PADI4: variants seen among roughly 807,000 people sequenced by gnomAD.
PADI4 encodes peptidyl arginine deiminase 4.
A neutral mutation model predicts 75.0 loss-of-function variants in PADI4; 62 were observed. The observed-to-expected ratio is 0.83, with a 90% CI of 0.67 to 1.02. The LOEUF is 1.02. Ranked by LOEUF, PADI4 falls within the 50% of genes least tolerant of loss-of-function variation. The pLI is 0.00. For synonymous variants in PADI4, 361 were observed against 348.1 expected, an observed-to-expected ratio of 1.04 and a Z score of -0.41; for missense variants, 845 against 850.5, an observed-to-expected ratio of 0.99 and a Z score of 0.08.
chr1:17,359,540 T>C (rs1397101101), intron 15 of PADI4, 132 bp downstream of exon 15: 3 of 1,244,048 alleles, frequency 2.4e-6, no homozygotes, highest in African/African-American at 3.0e-5. Flanking sequence ...TTGTCCTGAG[T>C]GGTACAAGGT....
In PADI4 at chr1:17,342,296, C is replaced by T; in HGVS notation, c.832-3C>T. The T allele has an allele frequency of 6.2e-7, 1 of 1,604,084 alleles. No homozygotes were observed. Among genetic ancestry groups the T allele is most frequent in the Admixed American group, 1.7e-5 (1 of 59,966 alleles). On this transcript the variant is annotated splice_region_variant and splice_polypyrimidine_tract_variant and intron_variant, in intron 7 of 15. Transcript: ENST00000375448. ...CTCCTTCCCCTTACCCCCTCCCCTG[C>T]AGGAGCTCCCCGAGGCTGTGGTGTT...
intron 4 of PADI4, among the ~76,000 whole-genome samples, chr1:17,337,565 T>A (rs1247958348): frequency 6.6e-6 from 1 of 152,154 alleles, no homozygotes; most frequent in African/African-American, 2.4e-5. Context: ...AAAAATCCAC[T>A]CCTGAGATCA....
At chr1:17,334,911 G>A (rs548579165) in intron 3 of PADI4, 86 of 240,454 alleles carry the variant, frequency 3.6e-4, no homozygotes, top group Admixed American at 1.1e-3. Flanking sequence ...GAAGGCGGAG[G>A]CAGGAGGATC....
chr1:17,355,993 C>G lies in PADI4; in HGVS notation c.1321C>G (p.Arg441Gly). The change falls in exon 12 of 16, where the codon CGG becomes GGG. Residue 441 changes from arginine to glycine, a missense_variant. Arg to Gly is a moderately radical substitution (Grantham distance 125). Coordinates refer to ENST00000375448, the MANE Select transcript of PADI4 (RefSeq NM_012387.3). ...ACCCTGCCATGACAGCAATGACAGC[C>G]GGCAGATGCACCAGGCCCTGCAGGA... ...GDSCYPSNDS[R>G]QMHQALQDFL... The G allele has an allele frequency of 1.9e-6, 3 of 1,614,180 alleles. No homozygotes were observed. Among genetic ancestry groups the G allele is most frequent in the Non-Finnish European group, 2.5e-6 (3 of 1,180,012 alleles).
In PADI4 at chr1:17,339,674, C is replaced by T. The variant is rs765542944; in HGVS notation, c.527-14C>T. ...CAGGGCCCTGTGACTCAGGCAATGC[C>T]CTTCTCATCCCAGACCTGCAGGACA... On this transcript the variant is annotated splice_polypyrimidine_tract_variant and intron_variant, in intron 5 of 15. Coordinates refer to ENST00000375448, the MANE Select transcript of PADI4 (RefSeq NM_012387.3). 6.2e-7 allele frequency: 1 copy of T among 1,613,620 alleles called. No individual in the cohort carries two copies. Among genetic ancestry groups the T allele is most frequent in the South Asian group, 1.1e-5 (1 of 91,052 alleles).
Position 17,356,350 on chromosome 1 carries a change from C to A in PADI4, c.1456-7C>A. 1.3e-6 allele frequency: 2 copies of A among 1,588,016 alleles called. No homozygotes were observed. Among genetic ancestry groups the A allele is most frequent in the South Asian group, 1.1e-5 (1 of 88,742 alleles). ...CTGACTTCTAACCCCAGTGTTTCTG[C>A]CTCCAGGGCTTCCGGCTGCTCCTGG... is the stretch of plus-strand genomic sequence containing the variant. On this transcript the variant is annotated splice_region_variant and splice_polypyrimidine_tract_variant and intron_variant, in intron 12 of 15. Transcript: ENST00000375448. The surrounding 1 kb of genome is among the most constrained non-coding windows in gnomAD (Gnocchi z 4.1).
intron 3 of PADI4, among the ~76,000 whole-genome samples, chr1:17,335,887 A>C (rs564980354): frequency 1.1e-4 from 17 of 152,348 alleles, no homozygotes; most frequent in African/African-American, 4.1e-4. Context: ...CCAGACGTGC[A>C]GGGTCTGGTG....
chr1:17,347,505 G>A (rs548116197), intron 9 of PADI4, among the ~76,000 whole-genome samples: 2 of 152,150 alleles, frequency 1.3e-5, no homozygotes, highest in African/African-American at 2.4e-5. Flanking sequence ...AGGAGGCCGC[G>A]AGCTCTGGCG....
intron 15 of PADI4, among the ~76,000 whole-genome samples, chr1:17,360,054 C>T (rs1016137636): frequency 6.6e-6 from 1 of 152,118 alleles, no homozygotes; most frequent in African/African-American, 2.4e-5. Flanking sequence ...CCTTAGTAGG[C>T]CAGAGCGGGT....
intron 8 of PADI4, 87 bp from the exon 9 acceptor site, chr1:17,345,941 C>A: frequency 2.4e-6 from 2 of 838,552 alleles, no homozygotes; most frequent in African/African-American, 1.7e-5. Context: ...CAGGTGACCC[C>A]TGAGCCACCT....
Position 17,359,235 on chromosome 1 carries a change from G to A in PADI4, c.1630-45G>A, listed in dbSNP as rs371007793. On this transcript the variant is annotated intron_variant, in intron 14 of 15. Coordinates refer to ENST00000375448, the MANE Select transcript of PADI4 (RefSeq NM_012387.3). ...CACACTGTCCCCCACCCCCACCCCC[G>A]ACTGCCATCAGTCCCCCACTCACTG... 4.4e-4 allele frequency: 98 copies of A among 223,214 alleles called. No homozygotes were observed. The African/African-American group carries it at 6.0e-3, about 14-fold the overall frequency. The allele number at this position is 223,214 out of a possible 1,614,324, so 13.8% of individuals were successfully genotyped here.
At chr1:17,362,649 C>A (rs1476428249) in intron 15 of PADI4, among the ~76,000 whole-genome samples, 1 of 151,960 alleles carries the variant, frequency 6.6e-6, no homozygotes, top group Non-Finnish European at 1.5e-5. Context: ...AATCAATATA[C>A]CCATGTAATA....
In PADI4 at chr1:17,348,049, G is replaced by A; in HGVS notation, c.1155+1G>A. ...GGAGTTTCCCATCAAACGCGTGATG[G>A]TACCTGCATGGGGTGGGGAGGGGGC... On this transcript the variant is annotated splice_donor_variant, in intron 10 of 15. Coordinates refer to ENST00000375448, the MANE Select transcript of PADI4 (RefSeq NM_012387.3). LOFTEE classifies it high-confidence loss of function. The A allele has an allele frequency of 2.5e-6, 4 of 1,571,042 alleles. No individual in the cohort carries two copies. Among genetic ancestry groups the A allele is most frequent in the Non-Finnish European group, 3.5e-6 (4 of 1,141,150 alleles).
intron 10 of PADI4, 64 bp from the exon 11 acceptor site, chr1:17,354,469 C>G: frequency 6.9e-7 from 1 of 1,459,812 alleles, no homozygotes. Flanking sequence ...TAAACTTGGA[C>G]CCCCCGACCC....
In PADI4 at chr1:17,316,267, G is replaced by A. The variant is rs546148973; in HGVS notation, c.92+7953G>A. ...AAATTAGCTGGGCATGGTGGTGCACGTCTGTAGTCTCAGCTACTAAGGAGG... is the reference window on the plus strand; with the variant it reads ...AAATTAGCTGGGCATGGTGGTGCACATCTGTAGTCTCAGCTACTAAGGAGG... On this transcript the variant is annotated intron_variant, in intron 1 of 15. Transcript: ENST00000375448. Among the ~76,000 whole-genome samples, 182 of 151,936 alleles carry A rather than the reference G, an allele frequency of 1.2e-3. 3 individuals are homozygous for A. Among genetic ancestry groups the A allele is most frequent in the African/African-American group, 4.3e-3 (176 of 41,286 alleles).
chr1:17,342,056 T>A lies in PADI4; in HGVS notation c.766T>A (p.Phe256Ile), dbSNP rs749384936. 1 of 1,614,090 alleles carries A rather than the reference T, an allele frequency of 6.2e-7. No homozygotes were observed. The highest frequency in any genetic ancestry group is 2.2e-5 in the East Asian group (1 of 44,870). ...GGACTTCTACGTGGAGGCCCTCGCT[T>A]TCCCGGACACCGACTTCCCGGGGCT... ...NMDFYVEALAFPDTDFPGLIT... is the reference protein window; with the variant it reads ...NMDFYVEALAIPDTDFPGLIT... Residue 256 changes from phenylalanine (F) to isoleucine (I), a missense_variant, in exon 7 of 16, where the codon TTC becomes ATC. Physicochemically the swap from Phe to Ile is conservative, Grantham distance 21. Transcript: ENST00000375448.
chr1:17,313,365 G>C (rs1322150800), intron 1 of PADI4, among the ~76,000 whole-genome samples: 1 of 151,414 alleles, frequency 6.6e-6, no homozygotes, highest in African/African-American at 2.4e-5. Context: ...GCCAGGCGTG[G>C]TGGTGCATGC....
At position 17,342,018 on chromosome 1, in the gene PADI4, G is replaced by A; in HGVS notation, c.728G>A (p.Gly243Glu). The A allele has an allele frequency of 6.2e-7, 1 of 1,614,038 alleles. No individual in the cohort carries two copies. Among genetic ancestry groups the A allele is most frequent in the African/African-American group, 1.3e-5 (1 of 75,048 alleles). ...WPSHYLMVPG[G>E]KHNMDFYVEA... ...TCTCACTACCTGATGGTCCCCGGTG[G>A]AAAGCACAACATGGACTTCTACGTG... The change falls in exon 7 of 16, where the codon GGA becomes GAA. Residue 243 changes from glycine (G) to glutamate (E), a missense_variant. Coordinates refer to ENST00000375448, the MANE Select transcript of PADI4 (RefSeq NM_012387.3).
rs1334084267 is a variant in PADI4, at chr1:17,308,324, G to C, written c.92+10G>C. ...AGCTTGACATCTGCAGGTAAGAGGG[G>C]GGCCTTCTGGGGTTTTGGAGGCAGG... On this transcript the variant is annotated intron_variant, in intron 1 of 15. Coordinates refer to ENST00000375448, the MANE Select transcript of PADI4 (RefSeq NM_012387.3). The C allele has an allele frequency of 6.2e-7, 1 of 1,607,944 alleles. No individual in the cohort carries two copies. Among genetic ancestry groups the C allele is most frequent in the East Asian group, 2.2e-5 (1 of 44,820 alleles).
Sources: allele counts gnomAD v4.1 joint callset (sites outside exome capture counted in the v4.1 genomes callset), GRCh38; gene constraint gnomAD v4.1.1; non-coding constraint Gnocchi (gnomAD v3.1); transcripts MANE v1.5; gene names NCBI Gene and HGNC (gene_info 2026-07-23, HGNC 2026-07-21).